The following DCAF10 variants were observed in gnomAD, a reference collection of about 807,000 sequenced individuals.
DCAF10 encodes the protein DDB1 and CUL4 associated factor 10.
In DCAF10, 19 loss-of-function variants were observed where a neutral mutation model predicts 51.9. The ratio of observed to expected loss-of-function variants is 0.37; its 90% CI spans 0.26 to 0.54. The LOEUF (loss-of-function observed/expected upper bound fraction) is 0.54, where lower values mean the gene tolerates loss of function less well. DCAF10 is among the 20% of genes least tolerant of loss of function. The pLI is 0.87. For synonymous variants in DCAF10, 291 were observed against 297.1 expected (o/e 0.98, Z 0.21); for missense variants, 510 against 730.6 (o/e 0.70, Z 3.48).
chr9:37,855,585 T>C (rs760965470), intron 4 of DCAF10, among the ~76,000 whole-genome samples: 5 of 152,250 alleles, frequency 3.3e-5, no homozygotes, highest in Non-Finnish European at 5.9e-5. Flanking sequence ...CTATATTTCA[T>C]CTACCTTTGG....
At chr9:37,804,930 AG>A (rs1258452170) in intron 1 of DCAF10, among the ~76,000 whole-genome samples, 8 of 152,322 alleles carry the variant, frequency 5.3e-5, no homozygotes, top group Admixed American at 5.2e-4. Context: ...CAACAAACAT[AG>A]GTTCTTTGTC....
intron 4 of DCAF10, among the ~76,000 whole-genome samples, chr9:37,856,471 G>GT (rs5897702): frequency 0.19 from 29,218 of 152,068 alleles, 3,211 homozygotes; most frequent in African/African-American, 0.29. Context: ...TTTTCTAATG[G>GT]TAATTCTGAT....
At chr9:37,818,867 A>G (rs112404142) in intron 1 of DCAF10, among the ~76,000 whole-genome samples, 2 of 152,184 alleles carry the variant, frequency 1.3e-5, no homozygotes, top group African/African-American at 4.8e-5. Flanking sequence ...ATTGTGTACT[A>G]TGGCTTGTAT....
intron 4 of DCAF10, among the ~76,000 whole-genome samples, chr9:37,855,900 T>C (rs1010271618): frequency 1.3e-5 from 2 of 152,056 alleles, no homozygotes; most frequent in African/African-American, 2.4e-5. Context: ...TTTGTAATCC[T>C]AGCACTTTGA....
chr9:37,802,200 G>T (rs530399985), intron 1 of DCAF10, among the ~76,000 whole-genome samples: 1 of 152,266 alleles, frequency 6.6e-6, no homozygotes, highest in African/African-American at 2.4e-5. Flanking sequence ...GCGTATATTT[G>T]TTGAGCACTT....
At chr9:37,803,677 C>T (rs1034022113) in intron 1 of DCAF10, among the ~76,000 whole-genome samples, 7 of 142,296 alleles carry the variant, frequency 4.9e-5, no homozygotes, top group African/African-American at 1.9e-4. Context: ...GTATGCCCTA[C>T]ATTTGTGTAG....
chr9:37,800,845 G>A lies in DCAF10; in HGVS notation c.-22G>A, dbSNP rs906752381. ...TCGGCCGGCGGGGCAGTGGCCCGGA[G>A]CGGGGGGCGGGGGCGTTGATCATGT... On this transcript the variant is annotated 5_prime_UTR_variant, in exon 1 of 7. Coordinates refer to ENST00000377724, the MANE Select transcript of DCAF10 (RefSeq NM_024345.5). The A allele has an allele frequency of 5.4e-6, 8 of 1,484,458 alleles. No homozygotes were observed. The East Asian group carries it at 1.7e-4, about 32-fold the overall frequency. 92.0% of individuals were successfully genotyped at this position (1,484,458 alleles called of 1,614,324 possible).
intron 3 of DCAF10, among the ~76,000 whole-genome samples, chr9:37,846,068 AAAAG>A (rs1165532110): frequency 5.3e-5 from 8 of 152,336 alleles, no homozygotes; most frequent in African/African-American, 1.9e-4. Context: ...ATATTAAAAA[AAAAG>A]AAAGACCAAT....
chr9:37,827,286 G>A (rs947954213), intron 2 of DCAF10, among the ~76,000 whole-genome samples: 3 of 152,134 alleles, frequency 2.0e-5, no homozygotes, highest in Non-Finnish European at 4.4e-5. Flanking sequence ...ACCTTGCACA[G>A]ATTGGTGATG....
At position 37,801,800 on chromosome 9, in the gene DCAF10, G is replaced by T. The variant is rs1828958566; in HGVS notation, c.539+395G>T. On this transcript the variant is annotated intron_variant, in intron 1 of 6. Transcript: ENST00000377724. This position sits in a 1 kb window ranked among gnomAD's most constrained non-coding sequence, Gnocchi z 5.5. ...CTCGCGTTTTCCTACCTAAACCTGT[G>T]TCGGGGTAGGAAAGCTGTAGATTCC... Among the ~76,000 whole-genome samples the T allele has an allele frequency of 6.6e-6, 1 of 152,188 alleles. No homozygotes were observed. The highest frequency in any genetic ancestry group is 6.5e-5 in the Admixed American group (1 of 15,280).
Position 37,839,875 on chromosome 9 carries a change from G to A in DCAF10, c.654-2214G>A, listed in dbSNP as rs75335194. ...AACTTCTCTTTCATTTATTTTGTAA[G>A]TATTTGTTGAGTGCATATGTGTCTG... On this transcript the variant is annotated intron_variant, in intron 2 of 6. Coordinates refer to ENST00000377724, the MANE Select transcript of DCAF10 (RefSeq NM_024345.5). Among the ~76,000 whole-genome samples, 812 of 152,254 alleles carry A rather than the reference G, an allele frequency of 5.3e-3. 6 individuals are homozygous for A. Among genetic ancestry groups the A allele is most frequent in the African/African-American group, 0.019 (773 of 41,546 alleles).
chr9:37,850,947 A>T (rs1292060300), intron 3 of DCAF10, among the ~76,000 whole-genome samples: 1 of 147,904 alleles, frequency 6.8e-6, no homozygotes, highest in Non-Finnish European at 1.5e-5. Context: ...ACCATTAAAA[A>T]AACTCATTTT....
intron 1 of DCAF10, among the ~76,000 whole-genome samples, chr9:37,815,749 A>T (rs1194352713): frequency 6.6e-6 from 1 of 152,242 alleles, no homozygotes; most frequent in Non-Finnish European, 1.5e-5. Context: ...TTGATAAATA[A>T]TCAATATTTA....
At chr9:37,820,648 G>A (rs1214436371) in intron 2 of DCAF10, among the ~76,000 whole-genome samples, 4 of 152,062 alleles carry the variant, frequency 2.6e-5, no homozygotes, top group East Asian at 1.9e-4. Context: ...ATGGAGCCCC[G>A]AAATGTCATT....
chr9:37,834,265 A>C (rs1390791401), intron 2 of DCAF10, among the ~76,000 whole-genome samples: 1 of 152,110 alleles, frequency 6.6e-6, no homozygotes, highest in African/African-American at 2.4e-5. Context: ...TGTTTTACTA[A>C]ACAGCAACTT....
In DCAF10 at chr9:37,862,764, T is replaced by C. The variant is rs1190564612; in HGVS notation, c.*1256T>C. On this transcript the variant is annotated 3_prime_UTR_variant, in exon 7 of 7. Coordinates refer to ENST00000377724, the MANE Select transcript of DCAF10 (RefSeq NM_024345.5). ...TGGGTGGTACTGTGTTTAGAAGGGA[T>C]TACCAAAGGCTGGAGCGATTTAAGC... 1 of 152,196 alleles carries C rather than the reference T, an allele frequency of 6.6e-6. No individual in the cohort carries two copies. The highest frequency in any genetic ancestry group is 1.5e-5 in the Non-Finnish European group (1 of 68,030). The allele number at this position is 152,196 out of a possible 1,614,324, so 9.4% of individuals were successfully genotyped here.
chr9:37,800,894 G>C lies in DCAF10; in HGVS notation c.28G>C (p.Gly10Arg). The change falls in exon 1 of 7, where the codon GGA becomes CGA. Residue 10 changes from glycine (G) to arginine (R), a missense_variant. Gly to Arg is a moderately radical substitution (Grantham distance 125). This residue lies in a region of DCAF10 where 251 missense variants were observed against 227.9 expected (regional missense o/e 1.10). Transcript: ENST00000377724. MFPFGPHSP[G>R]GDGSAGAGAE... Reference sequence around the variant, plus strand: ...GTTTCCCTTTGGGCCCCATAGCCCTGGAGGGGACGGATCGGCCGGAGCCGG... The same window carrying C: ...GTTTCCCTTTGGGCCCCATAGCCCTCGAGGGGACGGATCGGCCGGAGCCGG... 6.7e-7 allele frequency: 1 copy of C among 1,498,238 alleles called. No individual in the cohort carries two copies. The highest frequency in any genetic ancestry group is 8.8e-7 in the Non-Finnish European group (1 of 1,131,040). The allele number at this position is 1,498,238 out of a possible 1,614,324, so 92.8% of individuals were successfully genotyped here.
chr9:37,859,959 G>C (rs1489096104), intron 5 of DCAF10, 89 bp from the exon 6 acceptor site: 4 of 1,472,808 alleles, frequency 2.7e-6, no homozygotes, highest in African/African-American at 2.8e-5. Flanking sequence ...GACGGCATGG[G>C]AGGTGGCTGC....
At chr9:37,810,169 TG>T (rs1490266177) in intron 1 of DCAF10, among the ~76,000 whole-genome samples, 1 of 149,288 alleles carries the variant, frequency 6.7e-6, no homozygotes, top group Admixed American at 6.7e-5. Context: ...AAAAAAAAGT[TG>T]GGGGGACAAT....
Sources: gnomAD v4.1 joint callset for allele counts (sites outside exome capture counted in the v4.1 genomes callset) on GRCh38, gnomAD v4.1.1 for gene constraint, gnomAD v4.1.1 regional missense constraint, Gnocchi (gnomAD v3.1) non-coding constraint, MANE v1.5 for transcripts, NCBI Gene and HGNC (gene_info 2026-07-23, HGNC 2026-07-21) for gene names.